The following DPP10 variants were observed in gnomAD, a reference collection of about 807,000 sequenced individuals.
The protein encoded by DPP10 is inactive dipeptidyl peptidase 10.
Under a neutral mutation model 120.9 loss-of-function variants are expected in DPP10, and 33 were observed. The observed-to-expected ratio is 0.27, with a 90% CI of 0.21 to 0.37. The LOEUF is 0.37. Ranked by LOEUF, DPP10 falls within the 10% of genes least tolerant of loss-of-function variation. DPP10 has a pLI of 1.00. For missense variants in DPP10, 816 were observed against 942.8 expected (o/e 0.87, Z 1.76); for synonymous variants, 337 against 326.1 (o/e 1.03, Z -0.36).
intron 1 of DPP10, among the ~76,000 whole-genome samples, chr2:115,270,950 C>T (rs975100228): frequency 6.6e-6 from 1 of 151,952 alleles, no homozygotes; most frequent in Non-Finnish European, 1.5e-5. Context: ...TTTTATTCCA[C>T]TTTGGAGAAA....
chr2:114,749,575 T>TTTATTTTATA (rs1308235490), intron 1 of DPP10, among the ~76,000 whole-genome samples: 10 of 148,286 alleles, frequency 6.7e-5, no homozygotes, highest in Admixed American at 4.0e-4. Context: ...TTTATTTTAT[T>TTTATTTTATA]TTATTTTATT....
chr2:115,229,475 G>T (rs901089638), intron 1 of DPP10, among the ~76,000 whole-genome samples: 10 of 151,972 alleles, frequency 6.6e-5, no homozygotes, highest in African/African-American at 2.4e-4. Flanking sequence ...ATTCCTCAGT[G>T]GTTTTTGTTT....
intron 1 of DPP10, among the ~76,000 whole-genome samples, chr2:115,188,536 A>C (rs892047661): frequency 2.6e-5 from 4 of 152,258 alleles, no homozygotes; most frequent in African/African-American, 9.6e-5. Context: ...GAAAATTCAC[A>C]GACCAGGTCA....
At chr2:115,573,673 C>G (rs1186197676) in intron 5 of DPP10, among the ~76,000 whole-genome samples, 1 of 150,266 alleles carries the variant, frequency 6.7e-6, no homozygotes, top group African/African-American at 2.5e-5. Context: ...CTGCAACCTC[C>G]GCCTCCTGGG....
chr2:115,389,797 G>A (rs2067204066), intron 3 of DPP10, among the ~76,000 whole-genome samples: 1 of 147,174 alleles, frequency 6.8e-6, no homozygotes, highest in Non-Finnish European at 1.5e-5. Context: ...TTATCTTAGA[G>A]CCTCTTTGTG....
intron 1 of DPP10, among the ~76,000 whole-genome samples, chr2:114,914,930 G>A (rs1005283026): frequency 3.3e-5 from 5 of 152,126 alleles, no homozygotes; most frequent in African/African-American, 1.2e-4. Flanking sequence ...AGGAGATCGA[G>A]ACCATCCCGG....
chr2:115,471,828 C>G (rs576804516), intron 3 of DPP10, among the ~76,000 whole-genome samples: 1 of 151,840 alleles, frequency 6.6e-6, no homozygotes, highest in Non-Finnish European at 1.5e-5. Flanking sequence ...CGCTGTTGCC[C>G]AGACTGGTCT....
chr2:114,563,041 A>C (rs1688892323), intron 1 of DPP10, among the ~76,000 whole-genome samples: 1 of 152,214 alleles, frequency 6.6e-6, no homozygotes. Context: ...AATTAATATG[A>C]CTGTTTTTCA....
intron 1 of DPP10, among the ~76,000 whole-genome samples, chr2:115,222,824 A>C (rs2057244001): frequency 6.6e-6 from 1 of 152,188 alleles, no homozygotes; most frequent in Non-Finnish European, 1.5e-5. Flanking sequence ...TCCTATTGCA[A>C]ATTTGGGGCT....
chr2:115,484,101 T>C (rs10496493), intron 3 of DPP10, among the ~76,000 whole-genome samples: 21,064 of 148,542 alleles, frequency 0.14, 3,223 homozygotes, highest in African/African-American at 0.37. Context: ...TAAAAACATA[T>C]TTCCTATCAC....
intron 1 of DPP10, among the ~76,000 whole-genome samples, chr2:115,115,056 T>C (rs1035783979): frequency 4.6e-5 from 7 of 151,668 alleles, no homozygotes; most frequent in Non-Finnish European, 7.4e-5. Flanking sequence ...ACGGCACAGG[T>C]AGGCTTGTCT....
chr2:114,805,054 A>T lies in DPP10; in HGVS notation c.60+362216A>T, dbSNP rs562967003. Among the ~76,000 whole-genome samples the T allele has an allele frequency of 2.6e-5, 4 of 152,246 alleles. No individual in the cohort carries two copies. The East Asian group carries it at 7.7e-4, about 29-fold the overall frequency. ...CCGTGCTATTCTCATAATAGTGAAT[A>T]AGTCTCACGAGATCTGATGGGTTTA... On this transcript the variant is annotated intron_variant, in intron 1 of 25. Coordinates refer to ENST00000410059, the MANE Select transcript of DPP10 (RefSeq NM_020868.6).
intron 21 of DPP10, among the ~76,000 whole-genome samples, chr2:115,820,450 A>G (rs1232939094): frequency 2.0e-5 from 3 of 149,978 alleles, no homozygotes; most frequent in Admixed American, 1.3e-4. Flanking sequence ...TTTTATTTCA[A>G]CAGAGGTTTG....
chr2:115,513,919 T>G (rs1248212446), intron 4 of DPP10, among the ~76,000 whole-genome samples: 1 of 152,066 alleles, frequency 6.6e-6, no homozygotes, highest in Non-Finnish European at 1.5e-5. Flanking sequence ...CTGAAGGACT[T>G]CTTCCTTTAG....
intron 1 of DPP10, among the ~76,000 whole-genome samples, chr2:114,688,509 G>T (rs1032707659): frequency 6.6e-6 from 1 of 151,880 alleles, no homozygotes; most frequent in Non-Finnish European, 1.5e-5. Context: ...GGCTAGAAAA[G>T]CTTCTTAGGA....
intron 1 of DPP10, among the ~76,000 whole-genome samples, chr2:115,250,332 G>A (rs1257136789): frequency 6.6e-6 from 1 of 152,108 alleles, no homozygotes; most frequent in Non-Finnish European, 1.5e-5. Flanking sequence ...CCATAATTCC[G>A]AACTGAAATA....
intron 3 of DPP10, chr2:115,468,667 C>T: frequency 5.7e-6 from 2 of 350,066 alleles, no homozygotes; most frequent in South Asian, 2.4e-5. Context: ...TACAGAGATC[C>T]TGAAGGATTA....
intron 17 of DPP10, among the ~76,000 whole-genome samples, chr2:115,782,675 AT>A (rs1409375587): frequency 6.6e-6 from 1 of 152,054 alleles, no homozygotes; most frequent in Non-Finnish European, 1.5e-5. Context: ...AAACAGGTAC[AT>A]TTTAGCTTAC....
intron 21 of DPP10, among the ~76,000 whole-genome samples, chr2:115,819,771 A>T (rs1350503631): frequency 6.6e-6 from 1 of 152,148 alleles, no homozygotes; most frequent in African/African-American, 2.4e-5. Flanking sequence ...AGGTGGGCGG[A>T]TCGCCTGAGG....
Sources: gnomAD v4.1 joint callset for allele counts (sites outside exome capture counted in the v4.1 genomes callset) on GRCh38, gnomAD v4.1.1 for gene constraint, MANE v1.5 for transcripts, NCBI Gene and HGNC (gene_info 2026-07-23, HGNC 2026-07-21) for gene names.